The following CDK6 variants were observed in gnomAD, a reference collection of about 807,000 sequenced individuals.
The protein encoded by CDK6 is cyclin dependent kinase 6, also known as cyclin-dependent kinase 6.
CDK6 carries 6 observed loss-of-function variants against 37.1 expected under a neutral mutation model. The ratio of observed to expected loss-of-function variants is 0.16; its 90% CI spans 0.09 to 0.32. The LOEUF (loss-of-function observed/expected upper bound fraction) is 0.32. CDK6 is among the 10% of genes least tolerant of loss of function. CDK6 has a pLI of 1.00. For missense variants in CDK6, 224 were observed against 418.9 expected (o/e 0.53, Z 4.06); for synonymous variants, 160 against 161.3 (o/e 0.99, Z 0.06).
chr7:92,766,436 T>A (rs1375655049), intron 3 of CDK6, among the ~76,000 whole-genome samples: 1 of 152,052 alleles, frequency 6.6e-6, no homozygotes, highest in Non-Finnish European at 1.5e-5. Flanking sequence ...AAGGCTTGAG[T>A]TTGGCAGAGG....
chr7:92,618,027 T>C (rs1231279753), intron 7 of CDK6, 45 bp downstream of exon 7: 2 of 1,601,208 alleles, frequency 1.2e-6, no homozygotes, highest in Non-Finnish European at 1.7e-6. Flanking sequence ...AGAGCAGGTG[T>C]CTCACTGGCA....
rs560628028 is a variant in CDK6 at position 92,805,440 on chromosome 7, T to C, written c.233+27651A>G. Among the ~76,000 whole-genome samples, 640 of 152,282 alleles carry C rather than the reference T, an allele frequency of 4.2e-3. 2 individuals are homozygous for C. The highest frequency in any genetic ancestry group is 7.0e-3 in the Non-Finnish European group (473 of 68,024). On this transcript the variant is annotated intron_variant, in intron 2 of 7. Transcript: ENST00000424848. ...CCAACTTTTCACTCTGAAAGCATGA[T>C]TTTCCCACCAAAATGAGTGAGCTCA...
At chr7:92,771,180 G>A (rs1447779833) in intron 3 of CDK6, among the ~76,000 whole-genome samples, 1 of 149,886 alleles carries the variant, frequency 6.7e-6, no homozygotes, top group Non-Finnish European at 1.5e-5. Flanking sequence ...AGGTTGCAGT[G>A]AGTTGAGATC....
intron 2 of CDK6, among the ~76,000 whole-genome samples, chr7:92,801,937 C>T (rs894504250): frequency 6.6e-6 from 1 of 150,558 alleles, no homozygotes; most frequent in African/African-American, 2.4e-5. Flanking sequence ...CTCTTTTCGT[C>T]TCCTCTTCTC....
chr7:92,632,891 C>T (rs1442529868), intron 5 of CDK6, among the ~76,000 whole-genome samples: 1 of 146,156 alleles, frequency 6.8e-6, no homozygotes, highest in Non-Finnish European at 1.5e-5. Context: ...CCATTCTTTT[C>T]TCTTTTTATA....
intron 4 of CDK6, among the ~76,000 whole-genome samples, chr7:92,672,047 T>C (rs1474144110): frequency 2.7e-5 from 4 of 149,826 alleles, no homozygotes; most frequent in Non-Finnish European, 5.9e-5. Flanking sequence ...GTACACTACC[T>C]GGGTGATGGG....
At chr7:92,794,003 G>C (rs1800344390) in intron 2 of CDK6, among the ~76,000 whole-genome samples, 2 of 152,170 alleles carry the variant, frequency 1.3e-5, no homozygotes, top group Middle Eastern at 6.8e-3. Context: ...CTTTAAATGG[G>C]TGAATTGCTT....
intron 2 of CDK6, among the ~76,000 whole-genome samples, chr7:92,807,899 T>G (rs1800769131): frequency 6.6e-6 from 1 of 152,166 alleles, no homozygotes; most frequent in Admixed American, 6.5e-5. Flanking sequence ...GGATATATCT[T>G]GAAGTATCTT....
At chr7:92,662,849 C>T (rs903676429) in intron 5 of CDK6, among the ~76,000 whole-genome samples, 3 of 152,094 alleles carry the variant, frequency 2.0e-5, no homozygotes, top group African/African-American at 4.8e-5. Context: ...GAGGCTTTGG[C>T]GGAACTGTGC....
At chr7:92,742,733 A>ATC (rs1798954863) in intron 3 of CDK6, among the ~76,000 whole-genome samples, 1 of 145,058 alleles carries the variant, frequency 6.9e-6, no homozygotes, top group Admixed American at 6.8e-5. Context: ...AAATGTATAC[A>ATC]TATATATATA....
intron 3 of CDK6, among the ~76,000 whole-genome samples, chr7:92,773,343 A>G (rs565672670): frequency 2.0e-5 from 3 of 152,208 alleles, no homozygotes; most frequent in African/African-American, 7.2e-5. Flanking sequence ...GCCTGGTGAG[A>G]AGGAGCAAAA....
intron 4 of CDK6, among the ~76,000 whole-genome samples, chr7:92,707,729 C>G (rs1797999031): frequency 6.6e-6 from 1 of 152,224 alleles, no homozygotes; most frequent in African/African-American, 2.4e-5. Flanking sequence ...CTTTCTCTCT[C>G]ACAAGATAAA....
At chr7:92,695,987 C>G (rs1462241181) in intron 4 of CDK6, among the ~76,000 whole-genome samples, 1 of 152,100 alleles carries the variant, frequency 6.6e-6, no homozygotes, top group Non-Finnish European at 1.5e-5. Context: ...AAGAAAGAAG[C>G]ATGTATTCAA....
intron 3 of CDK6, among the ~76,000 whole-genome samples, chr7:92,728,466 C>G (rs1389347140): frequency 6.6e-6 from 1 of 152,106 alleles, no homozygotes; most frequent in Non-Finnish European, 1.5e-5. Context: ...TGCAATATGA[C>G]TTTTTTTATA....
chr7:92,797,089 A>G (rs983263084), intron 2 of CDK6, among the ~76,000 whole-genome samples: 2 of 152,196 alleles, frequency 1.3e-5, no homozygotes, highest in African/African-American at 4.8e-5. Context: ...TATGTTATCT[A>G]TAGAAAAGCA....
intron 2 of CDK6, among the ~76,000 whole-genome samples, chr7:92,776,758 TG>T (rs1799861485): frequency 6.6e-6 from 1 of 152,234 alleles, no homozygotes; most frequent in South Asian, 2.1e-4. Context: ...TTGATGGGGT[TG>T]TTTTTTTCTT....
chr7:92,817,149 T>C (rs1801050731), intron 2 of CDK6, among the ~76,000 whole-genome samples: 1 of 151,922 alleles, frequency 6.6e-6, no homozygotes, highest in African/African-American at 2.4e-5. Flanking sequence ...CACAAAATCT[T>C]TCAGAAAATA....
chr7:92,816,162 T>A (rs1801024254), intron 2 of CDK6, among the ~76,000 whole-genome samples: 1 of 152,134 alleles, frequency 6.6e-6, no homozygotes, highest in South Asian at 2.1e-4. Flanking sequence ...ATGTTTGGCA[T>A]CCAATAACAC....
At position 92,609,118 on chromosome 7, in the gene CDK6, T is replaced by G; in HGVS notation, c.*6022A>C. ...GGCATTTTGGTTCAGTATGAATTAC[T>G]GAGACTCATCTGCTTGCCACTCAGG... On this transcript the variant is annotated 3_prime_UTR_variant, in exon 8 of 8. Coordinates refer to ENST00000424848, the MANE Select transcript of CDK6 (RefSeq NM_001145306.2). 1 of 232,992 alleles carries G rather than the reference T, an allele frequency of 4.3e-6. No individual in the cohort carries two copies. Among genetic ancestry groups the G allele is most frequent in the East Asian group, 6.0e-5 (1 of 16,552 alleles). 14.4% of individuals were successfully genotyped at this position (232,992 alleles called of 1,614,324 possible).
Sources: gnomAD v4.1 joint callset for allele counts (sites outside exome capture counted in the v4.1 genomes callset) on GRCh38, gnomAD v4.1.1 for gene constraint, MANE v1.5 for transcripts, NCBI Gene and HGNC (gene_info 2026-07-23, HGNC 2026-07-21) for gene names.